XAB2: variants seen among roughly 807,000 people sequenced by gnomAD.
XAB2 encodes pre-mRNA-splicing factor SYF1.
A neutral mutation model predicts 113.4 loss-of-function variants in XAB2; 57 were observed. The observed-to-expected ratio is 0.50, with a 90% CI of 0.41 to 0.63. The LOEUF (loss-of-function observed/expected upper bound fraction) is 0.63. Ranked by LOEUF, XAB2 falls within the 20% of genes least tolerant of loss-of-function variation. The pLI is 0.00. For synonymous variants in XAB2, 497 were observed against 498.8 expected (o/e 1.00, Z 0.05); for missense variants, 1,037 against 1,233.3 (o/e 0.84, Z 2.38).
chr19:7,622,047 G>A, intron 12 of XAB2: 1 of 362,312 alleles, frequency 2.8e-6, no homozygotes, highest in South Asian at 3.3e-5. Flanking sequence ...ATAAGAAGAG[G>A]AAATTTCAAA....
Position 7,626,058 on chromosome 19 carries a change from G to A in XAB2, c.658-14C>T. ...CTCGTGCCACAGCTGCAGGGCATGG[G>A]GCAGTGGGGGAGAGTCTCAGGCTCA... is the stretch of plus-strand genomic sequence containing the variant. On this transcript the variant is annotated splice_polypyrimidine_tract_variant and intron_variant, in intron 5 of 18. Coordinates refer to ENST00000358368, the MANE Select transcript of XAB2 (RefSeq NM_020196.3). 3 of 1,608,650 alleles carry A rather than the reference G, an allele frequency of 1.9e-6. No homozygotes were observed. The highest frequency in any genetic ancestry group is 1.1e-5 in the South Asian group (1 of 90,782).
At position 7,622,900 on chromosome 19, in the gene XAB2, G is replaced by A; in HGVS notation, c.1240-7C>T. 6.2e-7 allele frequency: 1 copy of A among 1,613,156 alleles called. No individual in the cohort carries two copies. The highest frequency in any genetic ancestry group is 1.1e-5 in the South Asian group (1 of 90,944). ...TCTCCAGGATGACACGGGCCTGCCG[G>A]GGCGGGCAGAGGCGAGGCTGAGACC... On this transcript the variant is annotated splice_polypyrimidine_tract_variant and splice_region_variant and intron_variant, in intron 9 of 18. Coordinates refer to ENST00000358368, the MANE Select transcript of XAB2 (RefSeq NM_020196.3).
At position 7,620,833 on chromosome 19, in the gene XAB2, C is replaced by A; in HGVS notation, c.1971+13G>T. 3 of 1,571,562 alleles carry A rather than the reference C, an allele frequency of 1.9e-6. No individual in the cohort carries two copies. The highest frequency in any genetic ancestry group is 2.6e-6 in the Non-Finnish European group (3 of 1,156,450). ...GGACCTCTGGCCCCGGCCCAGCCCC[C>A]CACGGTGGGTACCTCAATGGCCTTC... On this transcript the variant is annotated intron_variant, in intron 14 of 18. Transcript: ENST00000358368.
Position 7,620,990 on chromosome 19 carries a change from G to C in XAB2, c.1827C>G (p.Ala609=). The C allele has an allele frequency of 6.4e-7, 1 of 1,568,020 alleles. No individual in the cohort carries two copies. The highest frequency in any genetic ancestry group is 8.6e-7 in the Non-Finnish European group (1 of 1,157,904). Residue 609 remains alanine, a synonymous_variant, in exon 14 of 19, where the codon GCC becomes GCG. Coordinates refer to ENST00000358368, the MANE Select transcript of XAB2 (RefSeq NM_020196.3). ...GCTCGTACACGGCCATGGCATGCCG[G>C]GCCAGGCCCCACTCCTCCTCCAGCT... The part of the protein sequence containing the change: ...YAQLEEEWGL[A]RHAMAVYERA...
In XAB2 at chr19:7,627,055, G is replaced by A. The variant is rs2031153186; in HGVS notation, c.522+188C>T. On this transcript the variant is annotated intron_variant, in intron 4 of 18. Transcript: ENST00000358368. The surrounding 1 kb of genome is among the most constrained non-coding windows in gnomAD (Gnocchi z 4.5). ...CTCAGCACCCATCGCTATGCCTAAT[G>A]TGAAACCAGTGTGAACAAACTATTT... Among the ~76,000 whole-genome samples the A allele has an allele frequency of 1.3e-5, 2 of 152,226 alleles. No individual in the cohort carries two copies. The highest frequency in any genetic ancestry group is 1.3e-4 in the Admixed American group (2 of 15,284).
rs2031025545 is a variant in XAB2 at position 7,621,181 on chromosome 19, G to T, written c.1734C>A (p.Asp578Glu). 2 of 1,612,566 alleles carry T rather than the reference G, an allele frequency of 1.2e-6. No individual in the cohort carries two copies. Among genetic ancestry groups the T allele is most frequent in the Non-Finnish European group, 1.7e-6 (2 of 1,179,876 alleles). Residue 578 changes from aspartate to glutamate, a missense_variant, in exon 13 of 19, where the codon GAC becomes GAA. Transcript: ENST00000358368. ...YGGRKLERAR[D>E]LFEQALDGCP... ...AGCCGTCCAGAGCCTGTTCAAACAG[G>T]TCCCGTGCCCGCTCCAGCTTGCGGC... is the stretch of plus-strand genomic sequence containing the variant.
intron 12 of XAB2, chr19:7,621,907 C>A (rs2031041921): frequency 4.7e-6 from 1 of 211,926 alleles, no homozygotes; most frequent in Middle Eastern, 2.1e-3. Flanking sequence ...AACTGTGCCC[C>A]CCTCAAAACA....
chr19:7,622,394 G>C lies in XAB2; in HGVS notation c.1554C>G (p.Pro518=), dbSNP rs762946461. ...ACATGGCATAGTTGATGACGATCTG[G>C]GGTGTTGCGATACGCAGGTCCAGGA... ...DRILDLRIAT[P]QIVINYAMFL... is the part of the protein sequence containing the mutation. Residue 518 remains proline (P), a synonymous_variant, in exon 12 of 19, where the codon CCC becomes CCG. Transcript: ENST00000358368. The C allele has an allele frequency of 1.9e-6, 3 of 1,614,210 alleles. No homozygotes were observed. Among genetic ancestry groups the C allele is most frequent in the Non-Finnish European group, 2.5e-6 (3 of 1,180,040 alleles).
chr19:7,619,949 A>C lies in XAB2; in HGVS notation c.2393T>G (p.Val798Gly). 6.2e-7 allele frequency: 1 copy of C among 1,611,156 alleles called. No individual in the cohort carries two copies. Among genetic ancestry groups the C allele is most frequent in the East Asian group, 2.2e-5 (1 of 44,878 alleles). Residue 798 changes from valine to glycine, a missense_variant, in exon 17 of 19, where the codon GTG (valine) becomes GGG (glycine). Val to Gly is a moderately radical substitution (Grantham distance 109). Transcript: ENST00000358368. ...CCGTCCAAGGATCCGCCCTCACCTCACGAACAGGATCTTGCTCTGGGCGCG... is the reference window on the plus strand; with the variant it reads ...CCGTCCAAGGATCCGCCCTCACCTCCCGAACAGGATCTTGCTCTGGGCGCG... Reference protein sequence around the residue: ...PLRAQSKILFVRSDASREELA... With the variant: ...PLRAQSKILFGRSDASREELA...
In XAB2 at chr19:7,619,526, G is replaced by T; in HGVS notation, c.*60C>A. On this transcript the variant is annotated 3_prime_UTR_variant, in exon 19 of 19. Transcript: ENST00000358368. ...GCAGCAGGAAGGAGGCTCAGACCAT[G>T]ATGTACAAACGTAGCTGTATTGGGG... 2.4e-6 allele frequency: 3 copies of T among 1,276,036 alleles called. No homozygotes were observed. The highest frequency in any genetic ancestry group is 3.1e-6 in the Non-Finnish European group (3 of 954,862). The allele number at this position is 1,276,036 out of a possible 1,614,324, so 79.0% of individuals were successfully genotyped here.
In XAB2 at chr19:7,628,035, T is replaced by C. The variant is rs2031177459; in HGVS notation, c.200+115A>G. The C allele has an allele frequency of 4.1e-6, 6 of 1,476,574 alleles. No individual in the cohort carries two copies. In the South Asian group the frequency reaches 7.6e-5, roughly 19 times the overall value. The allele number at this position is 1,476,574 out of a possible 1,614,324, so 91.5% of individuals were successfully genotyped here. A position where few individuals can be genotyped will look rare whatever the true frequency, so the allele number is the denominator to read the frequency against. The stretch of plus-strand genomic sequence containing the variant: ...GCTGACCCATCAAGGGATGTACAGG[T>C]CAGTGATGAAACACGAAGCAATCAC... On this transcript the variant is annotated intron_variant, in intron 2 of 18. Transcript: ENST00000358368. The surrounding 1 kb of genome is among the most constrained non-coding windows in gnomAD (Gnocchi z 4.6).
rs779929039 is a variant in XAB2 at position 7,619,708 on chromosome 19, C to G, written c.2506+39G>C. 7 of 1,610,316 alleles carry G rather than the reference C, an allele frequency of 4.3e-6. No homozygotes were observed. In the East Asian group the frequency reaches 1.6e-4, roughly 36 times the overall value. On this transcript the variant is annotated intron_variant, in intron 18 of 18. Coordinates refer to ENST00000358368, the MANE Select transcript of XAB2 (RefSeq NM_020196.3). ...GTTGGCCTGTCCCCCGAGGCCCACC[C>G]TGGTAATGCCACCGTCCCCGCCCCA...
intron 13 of XAB2, 31 bp from the exon 14 acceptor site, chr19:7,621,067 C>A: frequency 6.5e-7 from 1 of 1,537,610 alleles, no homozygotes; most frequent in Non-Finnish European, 8.8e-7. Flanking sequence ...GAGGGGAGCA[C>A]GGTCAGCCGG....
chr19:7,624,157 C>T lies in XAB2; in HGVS notation c.967+144G>A, dbSNP rs921181580. On this transcript the variant is annotated intron_variant, in intron 7 of 18. Coordinates refer to ENST00000358368, the MANE Select transcript of XAB2 (RefSeq NM_020196.3). The surrounding 1 kb of genome is among the most constrained non-coding windows in gnomAD (Gnocchi z 4.2). ...CCATTCCTGGCTCCTTCAAGACCCCCACACCCCCTGCATCCACTCAGCCTC... is the reference window on the plus strand; with the variant it reads ...CCATTCCTGGCTCCTTCAAGACCCCTACACCCCCTGCATCCACTCAGCCTC... 1 of 1,377,296 alleles carries T rather than the reference C, an allele frequency of 7.3e-7. No homozygotes were observed. Among genetic ancestry groups the T allele is most frequent in the Non-Finnish European group, 9.9e-7 (1 of 1,007,386 alleles). The allele number at this position is 1,377,296 out of a possible 1,614,324, so 85.3% of individuals were successfully genotyped here.
chr19:7,621,014 C>A lies in XAB2; in HGVS notation c.1803G>T (p.Gln601His). The A allele has an allele frequency of 6.4e-7, 1 of 1,560,482 alleles. No homozygotes were observed. Reference sequence around the variant, plus strand: ...GGGCCAGGCCCCACTCCTCCTCCAGCTGTGCGTACAGCAGGTACAAGGCTG... The same window carrying A: ...GGGCCAGGCCCCACTCCTCCTCCAGATGTGCGTACAGCAGGTACAAGGCTG... Reference protein sequence around the residue: ...YAKTLYLLYAQLEEEWGLARH... With the variant: ...YAKTLYLLYAHLEEEWGLARH... The change falls in exon 14 of 19, where the codon CAG becomes CAT. Residue 601 changes from glutamine to histidine, a missense_variant. Coordinates refer to ENST00000358368, the MANE Select transcript of XAB2 (RefSeq NM_020196.3).
chr19:7,621,354 C>T, intron 12 of XAB2, 57 bp from the exon 13 acceptor site: 1 of 1,589,488 alleles, frequency 6.3e-7, no homozygotes, highest in South Asian at 1.1e-5. Context: ...CACCAGGCAC[C>T]CGGGATGTCC....
chr19:7,622,064 ACACACAAAGAGAAGGC>A (rs1488080588), intron 12 of XAB2: 3 of 401,032 alleles, frequency 7.5e-6, no homozygotes, highest in East Asian at 4.7e-5. Context: ...CAAAAGTGAC[ACACACAAAGAGAAGGC>A]CACACAAAGA....
At chr19:7,622,733 C>T in intron 10 of XAB2, 29 bp downstream of exon 10, 1 of 1,613,432 alleles carries the variant, frequency 6.2e-7, no homozygotes, top group Non-Finnish European at 8.5e-7. Flanking sequence ...ACCTGCAGCC[C>T]CCACCCCACA....
Position 7,623,052 on chromosome 19 carries a change from GCACATGCACACA to G in XAB2, c.1239+106_1239+117del, listed in dbSNP as rs2031068761. On this transcript the variant is annotated intron_variant, in intron 9 of 18. Coordinates refer to ENST00000358368, the MANE Select transcript of XAB2 (RefSeq NM_020196.3). The surrounding 1 kb of genome is among the most constrained non-coding windows in gnomAD (Gnocchi z 4.6). ...CGTGCACATATGCATGCACCCAAAT[GCACATGCACACA>G]CACGTGCACACATCCATGCACAAAT... 3 of 1,553,022 alleles carry G rather than the reference GCACATGCACACA, an allele frequency of 1.9e-6. No individual in the cohort carries two copies. The highest frequency in any genetic ancestry group is 2.4e-5 in the South Asian group (2 of 83,594).
Sources: gnomAD v4.1 joint callset for allele counts (sites outside exome capture counted in the v4.1 genomes callset) on GRCh38, gnomAD v4.1.1 for gene constraint, Gnocchi (gnomAD v3.1) non-coding constraint, MANE v1.5 for transcripts, NCBI Gene and HGNC (gene_info 2026-07-23, HGNC 2026-07-21) for gene names.